Variants in COPS3 observed in about 807,000 individuals in gnomAD.
The protein encoded by COPS3 is COP9 signalosome complex subunit 3.
Under a neutral mutation model 58.2 loss-of-function variants are expected in COPS3, and 10 were observed. That is an observed-to-expected ratio of 0.17 (90% CI 0.11 to 0.29). The LOEUF is 0.29. COPS3 is among the 10% of genes least tolerant of loss of function. The pLI is 1.00. For missense variants in COPS3, 333 were observed against 510.1 expected (o/e 0.65, Z 3.34); for synonymous variants, 187 against 181.7 (o/e 1.03, Z -0.24).
At chr17:17,273,248 C>T (rs1281412362) in intron 2 of COPS3, among the ~76,000 whole-genome samples, 1 of 152,154 alleles carries the variant, frequency 6.6e-6, no homozygotes, top group Non-Finnish European at 1.5e-5. Flanking sequence ...TTATGCTCTG[C>T]AGTATGGTGG....
At chr17:17,273,158 C>T (rs2048388161) in intron 2 of COPS3, among the ~76,000 whole-genome samples, 3 of 152,140 alleles carry the variant, frequency 2.0e-5, no homozygotes, top group Non-Finnish European at 4.4e-5. Context: ...GCTTCACTTA[C>T]GCTGGGATTC....
Position 17,264,672 on chromosome 17 carries a change from G to A in COPS3, c.621+130C>T, listed in dbSNP as rs113844035. 1,135 of 673,030 alleles carry A rather than the reference G, an allele frequency of 1.7e-3. 11 individuals carry two copies. In the African/African-American group the frequency reaches 0.018, roughly 11 times the overall value. The allele number at this position is 673,030 out of a possible 1,614,324, so 41.7% of individuals were successfully genotyped here. ...CCACTATTTACATGATCACAGAGAAGTAGTCTCTGAAAGGACCAACACCTG... is the reference window on the plus strand; with the variant it reads ...CCACTATTTACATGATCACAGAGAAATAGTCTCTGAAAGGACCAACACCTG... On this transcript the variant is annotated intron_variant, in intron 6 of 11. Transcript: ENST00000268717.
Position 17,260,349 on chromosome 17 carries a change from C to T in COPS3, c.888G>A (p.Lys296=), listed in dbSNP as rs1312726873. The T allele has an allele frequency of 1.2e-6, 2 of 1,614,048 alleles. No individual in the cohort carries two copies. Among genetic ancestry groups the T allele is most frequent in the Non-Finnish European group, 1.7e-6 (2 of 1,180,030 alleles). The change falls in exon 8 of 12, where the codon AAG becomes AAA. Residue 296 remains lysine (K), a synonymous_variant. Coordinates refer to ENST00000268717, the MANE Select transcript of COPS3 (RefSeq NM_003653.4). ...TCTTATAAAGAGATGACAAGCATTG[C>T]TTCACCAGCCCCATGTTGTTATCGC... ...FTRDNNMGLV[K]QCLSSLYKKN...
intron 9 of COPS3, among the ~76,000 whole-genome samples, chr17:17,250,403 T>C (rs2047817471): frequency 6.6e-6 from 1 of 151,976 alleles, no homozygotes; most frequent in African/African-American, 2.4e-5. Context: ...TACAGGTATG[T>C]GCCACGATGC....
chr17:17,264,850 G>A lies in COPS3; in HGVS notation c.573C>T (p.Ile191=), dbSNP rs3182911. 795,308 of 1,611,190 alleles carry A rather than the reference G, an allele frequency of 0.49. 200,135 individuals carry two copies. Among genetic ancestry groups the A allele is most frequent in the East Asian group, 0.63 (28,174 of 44,848 alleles). The change falls in exon 6 of 12, where the codon ATC becomes ATT. Residue 191 remains isoleucine (I), a synonymous_variant. Transcript: ENST00000268717. The part of the protein sequence containing the change: ...FLCYYYYGGM[I]YTGLKNFERA... ...TTTCAAAGTTCTTCAGCCCAGTATA[G>A]ATCATCCCTCCATAATAATAGTAAC...
At chr17:17,280,463 G>C in intron 1 of COPS3, 1 of 887,530 alleles carries the variant, frequency 1.1e-6, no homozygotes, top group South Asian at 2.0e-5. Context: ...GGGAGGCTGA[G>C]ACAGGAGAAT....
At chr17:17,280,810 GC>G in intron 1 of COPS3, 1 of 1,238,590 alleles carries the variant, frequency 8.1e-7, no homozygotes. Context: ...ACCAATAGTC[GC>G]CCGAGATGGC....
Position 17,262,107 on chromosome 17 carries a change from C to T in COPS3, c.622-1G>A, listed in dbSNP as rs2048114273. ...CCGCCATGGCAGGAGTAGTTATAGC[C>T]TAGGCAAGAGAAGAATGCTTGCTGT... On this transcript the variant is annotated splice_acceptor_variant, in intron 6 of 11. Transcript: ENST00000268717. LOFTEE classifies it high-confidence loss of function. 1 of 1,605,454 alleles carries T rather than the reference C, an allele frequency of 6.2e-7. No homozygotes were observed. The highest frequency in any genetic ancestry group is 1.3e-5 in the African/African-American group (1 of 74,338).
intron 10 of COPS3, 60 bp from the exon 11 acceptor site, chr17:17,247,620 C>T: frequency 1.3e-6 from 2 of 1,498,298 alleles, no homozygotes; most frequent in Non-Finnish European, 1.9e-6. Context: ...TGCATCCTTT[C>T]TAACTTACAC....
At chr17:17,249,771 C>CTTA (rs2047801186) in intron 9 of COPS3, among the ~76,000 whole-genome samples, 2 of 152,296 alleles carry the variant, frequency 1.3e-5, no homozygotes, top group East Asian at 3.9e-4. Flanking sequence ...GGATTACAGG[C>CTTA]GTAAGCCACC....
chr17:17,246,879 A>T lies in COPS3; in HGVS notation c.*219T>A, dbSNP rs2047736260. On this transcript the variant is annotated 3_prime_UTR_variant, in exon 12 of 12. Coordinates refer to ENST00000268717, the MANE Select transcript of COPS3 (RefSeq NM_003653.4). The stretch of plus-strand genomic sequence containing the variant: ...TTAATGCAGTAACAATAATCTGAGG[A>T]TAAATAAATCCACGACAGACTTTAA... The T allele has an allele frequency of 1.8e-6, 1 of 564,818 alleles. No individual in the cohort carries two copies. The highest frequency in any genetic ancestry group is 3.2e-6 in the Non-Finnish European group (1 of 314,874). The allele number at this position is 564,818 out of a possible 1,614,324, so 35.0% of individuals were successfully genotyped here.
chr17:17,262,160 A>AT (rs1481307998), intron 6 of COPS3, 54 bp from the exon 7 acceptor site: 397 of 1,477,014 alleles, frequency 2.7e-4, no homozygotes, highest in Non-Finnish European at 2.9e-4. Context: ...GTAGCAAACA[A>AT]CAATCAACCA....
intron 5 of COPS3, among the ~76,000 whole-genome samples, chr17:17,266,579 G>T (rs1005895154): frequency 3.8e-4 from 58 of 151,260 alleles, no homozygotes; most frequent in African/African-American, 1.4e-3. Context: ...TGGGCGGATC[G>T]CTTGAAGTCA....
intron 1 of COPS3, among the ~76,000 whole-genome samples, chr17:17,279,203 T>C (rs2048523996): frequency 6.6e-6 from 1 of 152,004 alleles, no homozygotes. Context: ...ATCCAGTGAG[T>C]GTGAGGCACA....
At chr17:17,255,009 G>GTCCT in intron 8 of COPS3, 64 bp from the exon 9 acceptor site, 1 of 1,207,918 alleles carries the variant, frequency 8.3e-7, no homozygotes, top group Non-Finnish European at 1.2e-6. Context: ...TTTATTAAAT[G>GTCCT]TGTACAGAGC....
chr17:17,271,769 G>C (rs1256770949), intron 2 of COPS3, among the ~76,000 whole-genome samples: 2 of 146,422 alleles, frequency 1.4e-5, no homozygotes, highest in African/African-American at 2.5e-5. Context: ...GCAGTGAGCT[G>C]AGATGGTGCC....
intron 1 of COPS3, among the ~76,000 whole-genome samples, chr17:17,280,093 C>T (rs1004084864): frequency 6.6e-5 from 10 of 151,884 alleles, no homozygotes; most frequent in African/African-American, 1.5e-4. Context: ...GGTAAAAACC[C>T]CATCTCTATT....
chr17:17,255,257 G>A (rs190813764), intron 8 of COPS3, among the ~76,000 whole-genome samples: 174 of 151,798 alleles, frequency 1.1e-3, no homozygotes, highest in Non-Finnish European at 2.0e-3. Context: ...TGGAGACTGA[G>A]CCACTGAACT....
Position 17,268,624 on chromosome 17 carries a change from T to C in COPS3, c.349-647A>G, listed in dbSNP as rs568246684. Among the ~76,000 whole-genome samples the C allele has an allele frequency of 2.9e-4, 44 of 152,160 alleles. 1 individual carries two copies. In the South Asian group the frequency reaches 7.0e-3, roughly 24 times the overall value. ...TCATGAGGTCAGGAGATCAAGATTA[T>C]CCTGGCCAACATGGCAAAACCCCAT... On this transcript the variant is annotated intron_variant, in intron 4 of 11. Transcript: ENST00000268717.
Sources: gnomAD v4.1 joint callset for allele counts (sites outside exome capture counted in the v4.1 genomes callset) on GRCh38, gnomAD v4.1.1 for gene constraint, MANE v1.5 for transcripts, NCBI Gene and HGNC (gene_info 2026-07-23, HGNC 2026-07-21) for gene names.